SMCHD1: variants seen among roughly 807,000 people sequenced by gnomAD.
SMCHD1 encodes structural maintenance of chromosomes flexible hinge domain-containing protein 1.
In SMCHD1, 78 loss-of-function variants were observed where a neutral mutation model predicts 254.7. The ratio of observed to expected loss-of-function variants is 0.31; its 90% confidence interval spans 0.26 to 0.37. SMCHD1 has a LOEUF of 0.37. Among genes scored for constraint, SMCHD1 ranks in the 10% least tolerant of loss-of-function variants. The pLI, the probability that SMCHD1 is intolerant of heterozygous loss-of-function variation, is 1.00. For missense variants in SMCHD1, 1,840 were observed against 2,408.1 expected (o/e 0.76, Z 4.94); for synonymous variants, 766 against 794.9 (o/e 0.96, Z 0.61).
chr18:2,706,804 G>A (rs1410897046), intron 15 of SMCHD1, among the ~76,000 whole-genome samples: 8 of 152,138 alleles, frequency 5.3e-5, no homozygotes, highest in African/African-American at 1.9e-4. Context: ...GTATTAGTTC[G>A]TTTTCACACT....
At chr18:2,751,115 G>A (rs775486333) in intron 32 of SMCHD1, among the ~76,000 whole-genome samples, 163 bp from the exon 33 acceptor site, 2 of 152,036 alleles carry the variant, frequency 1.3e-5, no homozygotes, top group Non-Finnish European at 2.9e-5. Flanking sequence ...TTTTGGTCTT[G>A]TATGCTAGAA....
chr18:2,746,167 T>TA (rs2075450330), intron 29 of SMCHD1, among the ~76,000 whole-genome samples: 1 of 151,874 alleles, frequency 6.6e-6, no homozygotes, highest in African/African-American at 2.4e-5. Context: ...TGTAAAAAAG[T>TA]AAAAAAATAA....
At position 2,724,864 on chromosome 18, in the gene SMCHD1, T is replaced by C. The variant is rs369087999; in HGVS notation, c.2604-35T>C. 9 of 1,301,320 alleles carry C rather than the reference T, an allele frequency of 6.9e-6. No homozygotes were observed. The African/African-American group carries it at 1.1e-4, about 17-fold the overall frequency. The allele number at this position is 1,301,320 out of a possible 1,614,324, so 80.6% of individuals were successfully genotyped here. A position where few individuals can be genotyped will look rare whatever the true frequency, so the allele number is the denominator to read the frequency against. On this transcript the variant is annotated intron_variant, in intron 20 of 47. Transcript: ENST00000320876. ...ACATTTGCAGCTTACTTGTAGGCAA[T>C]TGAGGGGAGTTAAAAAATAATTTTT... is the stretch of plus-strand genomic sequence containing the variant.
chr18:2,715,610 C>G (rs987486964), intron 17 of SMCHD1, among the ~76,000 whole-genome samples: 3 of 152,108 alleles, frequency 2.0e-5, no homozygotes, highest in Admixed American at 1.3e-4. Context: ...CCTATAATCC[C>G]AGGAGGCTGA....
chr18:2,707,454 T>C (rs2074544512), intron 15 of SMCHD1, 109 bp from the exon 16 acceptor site: 1 of 622,598 alleles, frequency 1.6e-6, no homozygotes, highest in Non-Finnish European at 2.6e-6. Flanking sequence ...ATTTAACCTT[T>C]TAAAATATAT....
At chr18:2,802,271 T>C (rs1433685885) in intron 47 of SMCHD1, among the ~76,000 whole-genome samples, 1 of 152,182 alleles carries the variant, frequency 6.6e-6, no homozygotes. Context: ...TAATACCATT[T>C]CAAAGCACTG....
intron 29 of SMCHD1, 65 bp downstream of exon 29, chr18:2,743,993 C>A: frequency 7.5e-7 from 1 of 1,324,684 alleles, no homozygotes; most frequent in Non-Finnish European, 1.0e-6. Flanking sequence ...TTCAGATTGT[C>A]AGTGAATCAG....
At chr18:2,684,387 A>G (rs1181258251) in intron 5 of SMCHD1, among the ~76,000 whole-genome samples, 2 of 152,082 alleles carry the variant, frequency 1.3e-5, no homozygotes, top group African/African-American at 4.8e-5. Flanking sequence ...ATTTCCTGGT[A>G]TCTTTTATTG....
chr18:2,709,608 T>C (rs951139198), intron 17 of SMCHD1, among the ~76,000 whole-genome samples: 51 of 151,972 alleles, frequency 3.4e-4, no homozygotes, highest in African/African-American at 1.2e-3. Flanking sequence ...TGTGGTTTTT[T>C]CCCCCCTTTT....
At chr18:2,658,753 A>G (rs1363493754) in intron 1 of SMCHD1, among the ~76,000 whole-genome samples, 1 of 152,064 alleles carries the variant, frequency 6.6e-6, no homozygotes, top group Non-Finnish European at 1.5e-5. Flanking sequence ...TACATGGTCA[A>G]CAAGCAGTGA....
intron 3 of SMCHD1, among the ~76,000 whole-genome samples, chr18:2,667,721 T>C (rs536843444): frequency 6.6e-6 from 1 of 152,324 alleles, no homozygotes; most frequent in Admixed American, 6.5e-5. Context: ...GTTTATCATT[T>C]CAGACCTTTT....
At chr18:2,679,752 A>G (rs1381003694) in intron 5 of SMCHD1, among the ~76,000 whole-genome samples, 2 of 152,052 alleles carry the variant, frequency 1.3e-5, no homozygotes, top group Non-Finnish European at 2.9e-5. Flanking sequence ...TCGGATATAT[A>G]GAATAAAGTT....
chr18:2,774,802 C>T (rs917611985), intron 41 of SMCHD1, among the ~76,000 whole-genome samples: 1 of 152,222 alleles, frequency 6.6e-6, no homozygotes, highest in Non-Finnish European at 1.5e-5. Flanking sequence ...ACACCACCAT[C>T]CTAGCACAAT....
At position 2,780,748 on chromosome 18, in the gene SMCHD1, G is replaced by A. The variant is rs150313931; in HGVS notation, c.5547+2509G>A. Among the ~76,000 whole-genome samples, 315 of 152,314 alleles carry A rather than the reference G, an allele frequency of 2.1e-3. 1 individual carries two copies. Among genetic ancestry groups the A allele is most frequent in the African/African-American group, 7.0e-3 (292 of 41,574 alleles). On this transcript the variant is annotated intron_variant, in intron 44 of 47. Transcript: ENST00000320876. ...CTTGTATCATGGATGATTTCCAGCA[G>A]TCTGTATGAAGTCCTTCATGCCTAT...
At chr18:2,734,260 G>C (rs1266398664) in intron 25 of SMCHD1, among the ~76,000 whole-genome samples, 1 of 152,160 alleles carries the variant, frequency 6.6e-6, no homozygotes, top group African/African-American at 2.4e-5. Flanking sequence ...GTGGTGCCAG[G>C]GATGTGGCTT....
At chr18:2,695,309 A>ATTTTTTTTTTTTTT (rs35253416) in intron 8 of SMCHD1, among the ~76,000 whole-genome samples, 2 of 140,720 alleles carry the variant, frequency 1.4e-5, no homozygotes, top group African/African-American at 5.3e-5. Flanking sequence ...CTAAAAAAAA[A>ATTTTTTTTTTTTTT]TTTTTTTTTT....
At chr18:2,747,729 T>G (rs571689587) in intron 30 of SMCHD1, 82 bp downstream of exon 30, 49 of 1,099,504 alleles carry the variant, frequency 4.5e-5, no homozygotes, top group Non-Finnish European at 5.8e-5. Context: ...TCATATTGCT[T>G]CTTTTCTAAA....
In SMCHD1 at chr18:2,750,075, T is replaced by C. The variant is rs776846650; in HGVS notation, c.3960T>C (p.Asp1320=). The change falls in exon 31 of 48, where the codon GAT becomes GAC. Residue 1320 remains aspartate, a synonymous_variant. Coordinates refer to ENST00000320876, the MANE Select transcript of SMCHD1 (RefSeq NM_015295.3). ...CTTCAAACCAACAGCATAAAACAGA[T>C]GAGAAAGGCAGGGCTAATTTGGGAG... The part of the protein sequence containing the change: ...LMPSNQQHKT[D]EKGRANLGVF... 7.6e-6 allele frequency: 12 copies of C among 1,575,306 alleles called. No homozygotes were observed. The highest frequency in any genetic ancestry group is 1.0e-5 in the Non-Finnish European group (12 of 1,158,318).
intron 25 of SMCHD1, among the ~76,000 whole-genome samples, chr18:2,736,489 A>T (rs1452185546): frequency 6.6e-6 from 1 of 152,222 alleles, no homozygotes; most frequent in African/African-American, 2.4e-5. Flanking sequence ...ATGGTAAAAA[A>T]TATTAACAAG....
Sources: allele counts gnomAD v4.1 joint callset (sites outside exome capture counted in the v4.1 genomes callset), GRCh38; gene constraint gnomAD v4.1.1; transcripts MANE v1.5; gene names NCBI Gene and HGNC (gene_info 2026-07-23, HGNC 2026-07-21).